The following CD163 variants were observed in gnomAD, a reference collection of about 807,000 sequenced individuals.
CD163 encodes the protein scavenger receptor cysteine-rich type 1 protein M130.
Under a neutral mutation model 129.2 loss-of-function variants are expected in CD163, and 64 were observed. That is an observed-to-expected ratio of 0.50 (90% confidence interval 0.41 to 0.61). The LOEUF (loss-of-function observed/expected upper bound fraction) is 0.61. Ranked by LOEUF, CD163 falls within the 20% of genes least tolerant of loss-of-function variation. The pLI, the probability that CD163 is intolerant of heterozygous loss-of-function variation, is 0.00. For missense variants in CD163, 1,061 were observed against 1,377.9 expected (o/e 0.77, Z 3.64); for synonymous variants, 446 against 478.5 (o/e 0.93, Z 0.89).
intron 6 of CD163, among the ~76,000 whole-genome samples, chr12:7,494,673 C>T (rs1949375516): frequency 6.6e-6 from 1 of 152,010 alleles, no homozygotes; most frequent in African/African-American, 2.4e-5. Context: ...AAAGAGGTTG[C>T]AGTGAAATAT....
chr12:7,485,520 G>T lies in CD163; in HGVS notation c.2459-104C>A. The T allele has an allele frequency of 1.4e-6, 1 of 731,194 alleles. No homozygotes were observed. Among genetic ancestry groups the T allele is most frequent in the Non-Finnish European group, 2.2e-6 (1 of 451,300 alleles). The allele number at this position is 731,194 out of a possible 1,614,324, so 45.3% of individuals were successfully genotyped here. ...AATGGCTTTAAAAATAGGTACAATA[G>T]TACAATATGTCAGTTACTAATAATT... On this transcript the variant is annotated intron_variant, in intron 10 of 16. Coordinates refer to ENST00000432237, the MANE Select transcript of CD163 (RefSeq NM_203416.4). This position sits in a 1 kb window ranked among gnomAD's most constrained non-coding sequence, Gnocchi z 4.5.
At chr12:7,493,873 A>G (rs2136724962) in intron 6 of CD163, among the ~76,000 whole-genome samples, 1 of 152,306 alleles carries the variant, frequency 6.6e-6, no homozygotes, top group South Asian at 2.1e-4. Context: ...AAGAATGGCT[A>G]ACCTTGTCAG....
At position 7,485,209 on chromosome 12, in the gene CD163, C is replaced by T; in HGVS notation, c.2666G>A (p.Trp889Ter). The change falls in exon 11 of 17, where the codon TGG becomes TAG. Residue 889 changes from tryptophan to a stop codon, truncating the protein, a stop_gained. Transcript: ENST00000432237. LOFTEE classifies it high-confidence loss of function. This position sits in a 1 kb window ranked among gnomAD's most constrained non-coding sequence, Gnocchi z 4.5. The part of the protein sequence containing the change: ...SLDKAMSIPM[W>*]VDNVQCPKGP... ...TTTTGGACACTGAACATTGTCCACC[C>T]ACATGGGAATGGACATGGCCTTGTC... 6.2e-7 allele frequency: 1 copy of T among 1,614,188 alleles called. No individual in the cohort carries two copies. The highest frequency in any genetic ancestry group is 8.5e-7 in the Non-Finnish European group (1 of 1,179,998).
At chr12:7,492,947 C>T (rs774903558) in intron 6 of CD163, among the ~76,000 whole-genome samples, 106 of 152,268 alleles carry the variant, frequency 7.0e-4, no homozygotes, top group African/African-American at 2.4e-3. Context: ...CAGTTTCAAA[C>T]GGCCTTAAGG....
At position 7,487,511 on chromosome 12, in the gene CD163, G is replaced by A. The variant is rs1290591130; in HGVS notation, c.1898C>T (p.Pro633Leu). 1.2e-6 allele frequency: 2 copies of A among 1,614,002 alleles called. No individual in the cohort carries two copies. Among genetic ancestry groups the A allele is most frequent in the Non-Finnish European group, 8.5e-7 (1 of 1,180,006 alleles). ...QLKCGVALST[P>L]GGARFGKGNG... ...TCCTTTTCCAAAACGTGCTCCTCCT[G>A]GGGTAGAAAGGGCAACTCCACATTT... Residue 633 changes from proline to leucine, a missense_variant, in exon 8 of 17, where the codon CCA (proline) becomes CTA (leucine). Physicochemically the swap from Pro to Leu is moderately conservative, Grantham distance 98 (BLOSUM62 -3). Coordinates refer to ENST00000432237, the MANE Select transcript of CD163 (RefSeq NM_203416.4). The surrounding 1 kb of genome is among the most constrained non-coding windows in gnomAD (Gnocchi z 5.1).
rs1332446724 is a variant in CD163 at position 7,484,853 on chromosome 12, G to A, written c.2779+243C>T. On this transcript the variant is annotated intron_variant, in intron 11 of 16. Transcript: ENST00000432237. ...TGAATAAATCTTTCAAGCAGACCAT[G>A]GGGAGTATGATATTCTTTAGAATAA... Among the ~76,000 whole-genome samples, 6 of 152,262 alleles carry A rather than the reference G, an allele frequency of 3.9e-5. No homozygotes were observed. The South Asian group carries it at 1.2e-3, about 32-fold the overall frequency.
At position 7,486,942 on chromosome 12, in the gene CD163, C is replaced by T. The variant is rs138063540; in HGVS notation, c.2095G>A (p.Gly699Ser). 137 of 1,613,958 alleles carry T rather than the reference C, an allele frequency of 8.5e-5. No individual in the cohort carries two copies. Among genetic ancestry groups the T allele is most frequent in the Admixed American group, 3.2e-4 (19 of 59,992 alleles). ...TLSSCNSSSLGPTRPTIPEES... is the reference protein window; with the variant it reads ...TLSSCNSSSLSPTRPTIPEES... ...TCTGGAATGGTAGGCCTTGTTGGGC[C>T]CAAAGACGATGAATTGCACGAGGAC... The change falls in exon 9 of 17, where the codon GGC (glycine) becomes AGC (serine). Residue 699 changes from glycine (G) to serine (S), a missense_variant. Physicochemically the swap from Gly to Ser is moderately conservative, Grantham distance 56 (BLOSUM62 0). Coordinates refer to ENST00000432237, the MANE Select transcript of CD163 (RefSeq NM_203416.4).
rs775926861 is a variant in CD163, at chr12:7,474,128, G to C, written c.*32-2731C>G. 5.9e-5 allele frequency among the ~76,000 whole-genome samples: 9 copies of C among 152,118 alleles called. No homozygotes were observed. In the East Asian group the frequency reaches 1.7e-3, roughly 29 times the overall value. On this transcript the variant is annotated intron_variant, in intron 16 of 16. Transcript: ENST00000432237. ...AGACTTAGACTCCCACACAATAGTA[G>C]TGGGAGACTTTAAAACCCCATTGTC...
At chr12:7,491,412 C>G (rs1013155424) in intron 6 of CD163, among the ~76,000 whole-genome samples, 1 of 151,958 alleles carries the variant, frequency 6.6e-6, no homozygotes, top group African/African-American at 2.4e-5. Flanking sequence ...GGAAATGTAT[C>G]CCTTTAATGG....
rs777839123 is a variant in CD163 at position 7,501,230 on chromosome 12, C to T, written c.366G>A (p.Gly122=). The change falls in exon 3 of 17, where the codon GGG becomes GGA. Residue 122 remains glycine (G), a synonymous_variant. Transcript: ENST00000432237. ...TGCAATCCCAAAGAGCTGACTCATTCCCACGACAAGAAACATGATCCATCC... is the reference window on the plus strand; with the variant it reads ...TGCAATCCCAAAGAGCTGACTCATTTCCACGACAAGAAACATGATCCATCC... ...RIWMDHVSCR[G]NESALWDCKH... is the part of the protein sequence containing the mutation. 17 of 1,614,212 alleles carry T rather than the reference C, an allele frequency of 1.1e-5. No individual in the cohort carries two copies. The East Asian group carries it at 3.3e-4, about 32-fold the overall frequency.
rs745705961 is a variant in CD163, at chr12:7,486,082, G to GA, written c.2458+416dup. ...CAAGTAAGTCTCATTTATCTGCCAT[G>GA]AAAAATTGCTTGGGCATAGTAATTA... On this transcript the variant is annotated intron_variant, in intron 10 of 16. Transcript: ENST00000432237. 1.9e-4 allele frequency among the ~76,000 whole-genome samples: 29 copies of GA among 152,276 alleles called. No homozygotes were observed. In the East Asian group the frequency reaches 5.0e-3, roughly 26 times the overall value.
At chr12:7,501,615 A>C (rs985489387) in intron 2 of CD163, among the ~76,000 whole-genome samples, 153 bp from the exon 3 acceptor site, 1 of 152,270 alleles carries the variant, frequency 6.6e-6, no homozygotes, top group Non-Finnish European at 1.5e-5. Flanking sequence ...TTTCACAGTC[A>C]TTCAAATATA....
At chr12:7,475,115 A>AC (rs1169186689) in intron 16 of CD163, among the ~76,000 whole-genome samples, 1 of 150,274 alleles carries the variant, frequency 6.7e-6, no homozygotes, top group Non-Finnish European at 1.5e-5. Flanking sequence ...AAAAAAAAAA[A>AC]AAACCATGAC....
chr12:7,475,097 C>CAAAAAAAAAAAAAAAAAAAA (rs58901449), intron 16 of CD163, among the ~76,000 whole-genome samples: 18 of 94,018 alleles, frequency 1.9e-4, no homozygotes, highest in African/African-American at 7.1e-4. Flanking sequence ...GCCTACCAAC[C>CAAAAAAAAAAAAAAAAAAAA]AAAAAAAAAA....
intron 6 of CD163, among the ~76,000 whole-genome samples, chr12:7,491,815 A>G (rs769875658): frequency 1.3e-5 from 2 of 152,268 alleles, no homozygotes; most frequent in South Asian, 4.1e-4. Flanking sequence ...GATGTCCTCT[A>G]CAGTACATAC....
rs74056491 is a variant in CD163 at position 7,494,860 on chromosome 12, C to G, written c.1420+221G>C. Among the ~76,000 whole-genome samples, 1,220 of 152,268 alleles carry G rather than the reference C, an allele frequency of 8.0e-3. 19 individuals are homozygous for G. The highest frequency in any genetic ancestry group is 0.028 in the African/African-American group (1,166 of 41,552). ...TCCTTAATCTTATACCTCTATTGATCTAAAAATTACTCAAAAACCAAAGTG... is the reference window on the plus strand; with the variant it reads ...TCCTTAATCTTATACCTCTATTGATGTAAAAATTACTCAAAAACCAAAGTG... On this transcript the variant is annotated intron_variant, in intron 6 of 16. Coordinates refer to ENST00000432237, the MANE Select transcript of CD163 (RefSeq NM_203416.4).
rs771008558 is a variant in CD163, at chr12:7,488,058, C to A, written c.1450G>T (p.Asp484Tyr). ...AHREPRLVGGDIPCSGRVEVK... is the reference protein window; with the variant it reads ...AHREPRLVGGYIPCSGRVEVK... ...TCAACACGTCCAGAACAGGGAATGT[C>A]CCCTCCAACCAGTCTGGGTTCCCTG... is the stretch of plus-strand genomic sequence containing the variant. The change falls in exon 7 of 17, where the codon GAC becomes TAC. Residue 484 changes from aspartate to tyrosine, a missense_variant. Coordinates refer to ENST00000432237, the MANE Select transcript of CD163 (RefSeq NM_203416.4). 1 of 1,613,462 alleles carries A rather than the reference C, an allele frequency of 6.2e-7. No individual in the cohort carries two copies. Among genetic ancestry groups the A allele is most frequent in the Non-Finnish European group, 8.5e-7 (1 of 1,179,728 alleles).
intron 16 of CD163, among the ~76,000 whole-genome samples, chr12:7,472,126 C>G (rs1212148788): frequency 6.6e-6 from 1 of 152,218 alleles, no homozygotes; most frequent in African/African-American, 2.4e-5. Context: ...GCTGTGGGTG[C>G]AGCTTCAGCG....
At chr12:7,476,868 C>T (rs1420619172) in intron 16 of CD163, among the ~76,000 whole-genome samples, 1 of 152,118 alleles carries the variant, frequency 6.6e-6, no homozygotes, top group Non-Finnish European at 1.5e-5. Context: ...CCAGAATCTA[C>T]AAGGAACTTT....
Sources: gnomAD v4.1 joint callset for allele counts (sites outside exome capture counted in the v4.1 genomes callset) on GRCh38, gnomAD v4.1.1 for gene constraint, Gnocchi (gnomAD v3.1) non-coding constraint, MANE v1.5 for transcripts, NCBI Gene and HGNC (gene_info 2026-07-23, HGNC 2026-07-21) for gene names.